Variants in ARHGAP26 observed in about 807,000 individuals in gnomAD.
ARHGAP26 encodes rho GTPase-activating protein 26.
In ARHGAP26, 38 loss-of-function variants were observed where a neutral mutation model predicts 104.8. That is an observed-to-expected ratio of 0.36 (90% confidence interval 0.28 to 0.48). The LOEUF is 0.48. Among genes scored for constraint, ARHGAP26 ranks in the 20% least tolerant of loss-of-function variants. ARHGAP26 has a pLI of 0.99. For missense variants in ARHGAP26, 704 were observed against 947.9 expected, an observed-to-expected ratio of 0.74 and a Z score of 3.38; for synonymous variants, 341 against 340.0, an observed-to-expected ratio of 1.00 and a Z score of -0.03.
intron 22 of ARHGAP26, among the ~76,000 whole-genome samples, chr5:143,220,104 T>G (rs1253796915): frequency 6.6e-6 from 1 of 152,232 alleles, no homozygotes; most frequent in African/African-American, 2.4e-5. Context: ...CTGAAGGAGA[T>G]GGACTCAGTG....
At chr5:143,091,182 G>A (rs531504274) in intron 17 of ARHGAP26, among the ~76,000 whole-genome samples, 4 of 152,168 alleles carry the variant, frequency 2.6e-5, no homozygotes, top group East Asian at 1.9e-4. Context: ...TTCTTGACTC[G>A]GGTGTGATGA....
At chr5:143,012,576 T>TACATATATATA (rs1554195628) in intron 11 of ARHGAP26, among the ~76,000 whole-genome samples, 6 of 57,022 alleles carry the variant, frequency 1.1e-4, no homozygotes, top group Non-Finnish European at 2.1e-4. Context: ...TATATATATA[T>TACATATATATA]TATGATCAGG....
intron 4 of ARHGAP26, among the ~76,000 whole-genome samples, chr5:142,885,084 C>T (rs1757521977): frequency 1.3e-5 from 2 of 152,190 alleles, no homozygotes; most frequent in African/African-American, 4.8e-5. Flanking sequence ...GTATTTACCT[C>T]ATTTCTGGTC....
At chr5:143,083,484 T>A (rs1196736152) in intron 17 of ARHGAP26, among the ~76,000 whole-genome samples, 1 of 152,176 alleles carries the variant, frequency 6.6e-6, no homozygotes, top group African/African-American at 2.4e-5. Flanking sequence ...ATTTCCTGTT[T>A]AAGCTTTTTT....
At chr5:142,867,009 A>C (rs3733733) in intron 1 of ARHGAP26, 21,211 of 152,086 alleles carry the variant, frequency 0.14, 1,796 homozygotes, top group East Asian at 0.25. Context: ...CACTTCTTCC[A>C]ATGTGGAAGC....
intron 11 of ARHGAP26, among the ~76,000 whole-genome samples, chr5:142,965,267 G>C (rs1289757403): frequency 2.6e-5 from 4 of 152,214 alleles, no homozygotes; most frequent in African/African-American, 7.2e-5. Context: ...ATAACTGTGG[G>C]CAAGCCTGAC....
At chr5:143,195,376 T>C (rs17100139) in intron 20 of ARHGAP26, among the ~76,000 whole-genome samples, 7,315 of 152,252 alleles carry the variant, frequency 0.048, 595 homozygotes, top group African/African-American at 0.17. Context: ...ACTCCTTTGT[T>C]TTCAGCAGTG....
chr5:143,153,868 G>A (rs1800142679), intron 20 of ARHGAP26, among the ~76,000 whole-genome samples: 1 of 152,188 alleles, frequency 6.6e-6, no homozygotes, highest in Admixed American at 6.5e-5. Flanking sequence ...TTCTGCCAGA[G>A]TCAACCTTCT....
chr5:143,060,557 A>G (rs532001518), intron 17 of ARHGAP26, among the ~76,000 whole-genome samples: 1 of 152,112 alleles, frequency 6.6e-6, no homozygotes, highest in Non-Finnish European at 1.5e-5. Flanking sequence ...CAGAGGGAAC[A>G]TAAAAATTAT....
At chr5:143,082,025 A>G (rs1214516275) in intron 17 of ARHGAP26, among the ~76,000 whole-genome samples, 2 of 151,910 alleles carry the variant, frequency 1.3e-5, no homozygotes, top group East Asian at 3.9e-4. Flanking sequence ...AAAAAAAAAA[A>G]AAAAAAAAAT....
At chr5:142,792,531 A>G (rs556714385) in intron 1 of ARHGAP26, among the ~76,000 whole-genome samples, 1 of 152,182 alleles carries the variant, frequency 6.6e-6, no homozygotes, top group African/African-American at 2.4e-5. Flanking sequence ...AGACTTATTG[A>G]CCCACATTTT....
chr5:142,786,577 C>G (rs1758674599), intron 1 of ARHGAP26, among the ~76,000 whole-genome samples: 2 of 151,910 alleles, frequency 1.3e-5, no homozygotes, highest in Admixed American at 1.3e-4. Flanking sequence ...GGGATTCATC[C>G]CTGATATCTC....
At chr5:143,064,175 G>A (rs181408219) in intron 17 of ARHGAP26, among the ~76,000 whole-genome samples, 48 of 152,116 alleles carry the variant, frequency 3.2e-4, no homozygotes, top group African/African-American at 1.1e-3. Context: ...CTATCCCCCA[G>A]GGTGTGCCTT....
intron 15 of ARHGAP26, among the ~76,000 whole-genome samples, chr5:143,055,388 G>T (rs1785652797): frequency 6.6e-6 from 1 of 152,172 alleles, no homozygotes. Flanking sequence ...AAAACTAGGA[G>T]TCGAATTAAG....
chr5:143,092,067 C>T (rs1360067076), intron 17 of ARHGAP26, among the ~76,000 whole-genome samples: 2 of 151,900 alleles, frequency 1.3e-5, no homozygotes, highest in African/African-American at 2.4e-5. Context: ...ATATTTCTTG[C>T]ATAAATTCCC....
intron 17 of ARHGAP26, among the ~76,000 whole-genome samples, chr5:143,071,129 T>C (rs1352645294): frequency 2.0e-5 from 3 of 151,854 alleles, no homozygotes; most frequent in Non-Finnish European, 4.4e-5. Context: ...TATAGACCAA[T>C]GGAACAGAAT....
intron 11 of ARHGAP26, among the ~76,000 whole-genome samples, chr5:143,004,825 A>G (rs1777708099): frequency 6.6e-6 from 1 of 152,216 alleles, no homozygotes; most frequent in African/African-American, 2.4e-5. Context: ...GAACCAGGAT[A>G]TAGCCAATGT....
intron 11 of ARHGAP26, among the ~76,000 whole-genome samples, chr5:142,968,806 G>A (rs976735506): frequency 2.0e-4 from 30 of 152,288 alleles, no homozygotes; most frequent in Admixed American, 1.6e-3. Flanking sequence ...TTGATTTGCC[G>A]TTGTGTATCC....
intron 11 of ARHGAP26, among the ~76,000 whole-genome samples, chr5:142,949,209 GAGAGA>G (rs1198865384): frequency 1.4e-4 from 9 of 62,986 alleles, no homozygotes; most frequent in East Asian, 1.9e-3. Context: ...GAGAGAGAGA[GAGAGA>G]GAGAGAGGAG....
Sources: allele counts gnomAD v4.1 joint callset (sites outside exome capture counted in the v4.1 genomes callset), GRCh38; gene constraint gnomAD v4.1.1; transcripts MANE v1.5; gene names NCBI Gene and HGNC (gene_info 2026-07-23, HGNC 2026-07-21).